Variants in ITPK1 observed in about 807,000 individuals in gnomAD.
ITPK1 encodes inositol-tetrakisphosphate 1-kinase, also known as inositol 1,3,4-trisphosphate 5/6-kinase.
A neutral mutation model predicts 45.3 loss-of-function variants in ITPK1; 21 were observed. That is an observed-to-expected ratio of 0.46 (90% CI 0.33 to 0.67). ITPK1 has a LOEUF of 0.67. ITPK1 is among the 30% of genes least tolerant of loss of function. The pLI is 0.02. For missense variants in ITPK1, 474 were observed against 573.5 expected, an observed-to-expected ratio of 0.83 and a Z score of 1.77; for synonymous variants, 258 against 253.6, an observed-to-expected ratio of 1.02 and a Z score of -0.16.
At chr14:93,047,882 T>C (rs1408124736) in intron 3 of ITPK1, among the ~76,000 whole-genome samples, 1 of 152,226 alleles carries the variant, frequency 6.6e-6, no homozygotes, top group Non-Finnish European at 1.5e-5. Context: ...CAGTTTCACA[T>C]GACTTGGCAC....
In ITPK1 at chr14:93,076,274, A is replaced by G. The variant is rs2139982725; in HGVS notation, c.120+321T>C. On this transcript the variant is annotated intron_variant, in intron 3 of 10. Coordinates refer to ENST00000267615, the MANE Select transcript of ITPK1 (RefSeq NM_014216.6). The surrounding 1 kb of genome is among the most constrained non-coding windows in gnomAD (Gnocchi z 4.3). ...CAGAGCACAAGACAACTGGACATCT[A>G]GCTGGGTGCCTACTGCCCCCTCACC... Among the ~76,000 whole-genome samples the G allele has an allele frequency of 6.6e-6, 1 of 152,164 alleles. No homozygotes were observed.
chr14:92,998,030 T>C lies in ITPK1; in HGVS notation c.247-4033A>G, dbSNP rs1251073315. Among the ~76,000 whole-genome samples the C allele has an allele frequency of 2.0e-5, 3 of 152,140 alleles. No homozygotes were observed. The East Asian group carries it at 5.8e-4, about 29-fold the overall frequency. ...ATGAGCAGGGAGTGAGACACAGGGATTTGCTCCTTCTAATGGAAAATGCTG... is the reference window on the plus strand; with the variant it reads ...ATGAGCAGGGAGTGAGACACAGGGACTTGCTCCTTCTAATGGAAAATGCTG... On this transcript the variant is annotated intron_variant, in intron 4 of 10. Coordinates refer to ENST00000267615, the MANE Select transcript of ITPK1 (RefSeq NM_014216.6).
chr14:92,952,243 T>C (rs1887991599), intron 8 of ITPK1, among the ~76,000 whole-genome samples: 1 of 152,216 alleles, frequency 6.6e-6, no homozygotes, highest in Non-Finnish European at 1.5e-5. Context: ...TGTAATGAGC[T>C]GACCTCTGCT....
intron 4 of ITPK1, among the ~76,000 whole-genome samples, chr14:93,006,047 C>A (rs1002950988): frequency 3.3e-5 from 5 of 152,314 alleles, no homozygotes; most frequent in Non-Finnish European, 7.3e-5. Flanking sequence ...GGCTGCCCCC[C>A]AAGATGGGAA....
chr14:93,088,336 G>GTTTTT lies in ITPK1; in HGVS notation c.96-11718_96-11717insAAAAA, dbSNP rs764902793. Among the ~76,000 whole-genome samples the GTTTTT allele has an allele frequency of 8.8e-4, 112 of 126,606 alleles. 2 individuals carry two copies. Among genetic ancestry groups the GTTTTT allele is most frequent in the Admixed American group, 1.7e-3 (22 of 13,262 alleles). 83.1% of individuals were successfully genotyped at this position (126,606 alleles called of 152,430 possible). A position where few individuals can be genotyped will look rare whatever the true frequency, so the allele number is the denominator to read the frequency against. ...GTTGCATCTTTTCTTTTTTGGTTTT[G>GTTTTT]TTTTGTTTTTTTTTTTTTTTTGAGA... On this transcript the variant is annotated intron_variant, in intron 2 of 10. Coordinates refer to ENST00000267615, the MANE Select transcript of ITPK1 (RefSeq NM_014216.6).
intron 5 of ITPK1, among the ~76,000 whole-genome samples, chr14:92,973,434 A>G (rs1885758364): frequency 6.6e-6 from 1 of 152,222 alleles, no homozygotes; most frequent in Non-Finnish European, 1.5e-5. Context: ...GTGGGTCTGG[A>G]ACAGCCTTGA....
chr14:92,994,090 C>T (rs1177107314), intron 4 of ITPK1, 93 bp from the exon 5 acceptor site: 3 of 783,402 alleles, frequency 3.8e-6, no homozygotes, highest in Non-Finnish European at 6.8e-6. Flanking sequence ...CCGTTCCTGT[C>T]CTATCCTCCA....
intron 3 of ITPK1, among the ~76,000 whole-genome samples, chr14:93,031,075 A>G (rs1595153119): frequency 2.6e-5 from 4 of 152,104 alleles, no homozygotes; most frequent in Admixed American, 2.0e-4. Context: ...CGGAACTGGG[A>G]GGGGTGCATT....
intron 5 of ITPK1, among the ~76,000 whole-genome samples, chr14:92,981,228 C>A (rs4905020): frequency 0.21 from 31,316 of 152,066 alleles, 3,534 homozygotes; most frequent in East Asian, 0.31. Context: ...ACCAGAGTCA[C>A]CACCCTCATC....
In ITPK1 at chr14:92,993,869, C is replaced by T. The variant is rs774794242; in HGVS notation, c.364+11G>A. ...TGCCTGCCACGGATGTGGTGCCACACGTGTCCCTACCTTCCATGTAGGCCT... is the reference window on the plus strand; with the variant it reads ...TGCCTGCCACGGATGTGGTGCCACATGTGTCCCTACCTTCCATGTAGGCCT... On this transcript the variant is annotated intron_variant, in intron 5 of 10. Coordinates refer to ENST00000267615, the MANE Select transcript of ITPK1 (RefSeq NM_014216.6). The T allele has an allele frequency of 3.1e-5, 48 of 1,550,652 alleles. No individual in the cohort carries two copies. The highest frequency in any genetic ancestry group is 2.5e-4 in the East Asian group (11 of 44,576).
At chr14:93,055,383 T>A (rs1458717523) in intron 3 of ITPK1, among the ~76,000 whole-genome samples, 1 of 152,104 alleles carries the variant, frequency 6.6e-6, no homozygotes, top group African/African-American at 2.4e-5. Context: ...CAAGCCATGT[T>A]CCCAAATCCC....
intron 3 of ITPK1, among the ~76,000 whole-genome samples, chr14:93,018,236 G>A (rs1044284922): frequency 1.3e-5 from 2 of 152,100 alleles, no homozygotes; most frequent in African/African-American, 4.8e-5. Context: ...AGCAGTCACA[G>A]CCCCCATGGA....
At position 92,941,745 on chromosome 14, in the gene ITPK1, G is replaced by A. The variant is rs1325199039; in HGVS notation, c.1061C>T (p.Thr354Ile). 1.3e-6 allele frequency: 2 copies of A among 1,598,910 alleles called. No homozygotes were observed. Among genetic ancestry groups the A allele is most frequent in the Admixed American group, 1.7e-5 (1 of 58,926 alleles). Residue 354 changes from threonine (T) to isoleucine (I), a missense_variant, in exon 11 of 11, where the codon ACA (threonine) becomes ATA (isoleucine). Thr to Ile is a moderately conservative substitution (Grantham distance 89). Around this residue, in one of 2 missense-constraint regions of ITPK1, gnomAD observed 107 missense variants for 92.9 expected, o/e 1.15. Transcript: ENST00000267615. Reference sequence around the variant, plus strand: ...GCAGCAGCCGGGGCTGGCGCTGCATGTCCGCTCGCCCACCAGGCCGCCCGC... The same window carrying A: ...GCAGCAGCCGGGGCTGGCGCTGCATATCCGCTCGCCCACCAGGCCGCCCGC... Reference protein sequence around the residue: ...EPAGGLVGERTCSASPGCCGS... With the variant: ...EPAGGLVGERICSASPGCCGS...
chr14:93,037,441 A>G (rs1383093002), intron 3 of ITPK1, among the ~76,000 whole-genome samples: 5 of 152,244 alleles, frequency 3.3e-5, no homozygotes, highest in Non-Finnish European at 7.3e-5. Flanking sequence ...CTGCTGGAAT[A>G]AACAGCAGCC....
At chr14:93,003,073 G>A (rs1887431189) in intron 4 of ITPK1, among the ~76,000 whole-genome samples, 1 of 152,206 alleles carries the variant, frequency 6.6e-6, no homozygotes, top group Non-Finnish European at 1.5e-5. Context: ...GAGCGTGTCA[G>A]GGCCAGCACT....
chr14:92,992,857 T>C (rs1442950877), intron 5 of ITPK1, among the ~76,000 whole-genome samples: 1 of 152,186 alleles, frequency 6.6e-6, no homozygotes, highest in Admixed American at 6.5e-5. Flanking sequence ...ATCTGTAAAA[T>C]GGGAAGGCTT....
intron 2 of ITPK1, among the ~76,000 whole-genome samples, chr14:93,084,580 A>C (rs1440973454): frequency 6.6e-6 from 1 of 151,992 alleles, no homozygotes; most frequent in Non-Finnish European, 1.5e-5. Flanking sequence ...TTTCGACACT[A>C]CTTGTCACTG....
intron 3 of ITPK1, among the ~76,000 whole-genome samples, chr14:93,061,565 GCACAGGTGATAA>G: frequency 6.6e-6 from 1 of 152,348 alleles, no homozygotes; most frequent in Admixed American, 6.5e-5. Flanking sequence ...CGTGCCTGGT[GCACAGGTGATAA>G]CACAGCATTC....
chr14:93,071,062 T>A (rs1890980615), intron 3 of ITPK1: 1 of 153,912 alleles, frequency 6.5e-6, no homozygotes, highest in South Asian at 2.1e-4. Flanking sequence ...CGACCCTTAC[T>A]ACACTCTTCC....
Sources: allele counts gnomAD v4.1 joint callset (sites outside exome capture counted in the v4.1 genomes callset), GRCh38; gene constraint gnomAD v4.1.1; regional missense constraint gnomAD v4.1.1; non-coding constraint Gnocchi (gnomAD v3.1); transcripts MANE v1.5; gene names NCBI Gene and HGNC (gene_info 2026-07-23, HGNC 2026-07-21).